Variants in KLRG1 observed in about 807,000 individuals in gnomAD.
KLRG1 encodes the protein killer cell lectin like receptor G1.
Under a neutral mutation model 21.8 loss-of-function variants are expected in KLRG1, and 16 were observed. The observed-to-expected ratio is 0.73, with a 90% confidence interval of 0.50 to 1.11. The LOEUF is 1.11. KLRG1 is among the 50% of genes most tolerant of loss of function. The probability of loss-of-function intolerance (pLI) is 0.00; values close to 1 mark genes in which losing one functional copy is unlikely to be tolerated. For synonymous variants in KLRG1, 69 were observed against 75.9 expected, an observed-to-expected ratio of 0.91 and a Z score of 0.47; for missense variants, 173 against 218.3, an observed-to-expected ratio of 0.79 and a Z score of 1.31.
At chr12:8,963,207 A>AT (rs1388851837) in intron 1 of KLRG1, among the ~76,000 whole-genome samples, 1 of 152,184 alleles carries the variant, frequency 6.6e-6, no homozygotes, top group Non-Finnish European at 1.5e-5. Context: ...GGCAAACTCA[A>AT]TTTTTTTAAC....
At chr12:9,210,556 C>T in the KLRG1 span, among the ~76,000 whole-genome samples, 1 of 152,242 alleles carries the variant, frequency 6.6e-6, no homozygotes, top group Non-Finnish European at 1.5e-5. Context: ...TGCTATGTTG[C>T]TTCTGAACTT....
the KLRG1 span, among the ~76,000 whole-genome samples, chr12:9,187,331 A>G: frequency 6.6e-6 from 1 of 152,176 alleles, no homozygotes; most frequent in African/African-American, 2.4e-5. Context: ...ACCCAAATGG[A>G]TCTGATAGAC....
At chr12:9,161,171 T>C in the KLRG1 span, 1 of 1,377,382 alleles carries the variant, frequency 7.3e-7, no homozygotes, top group Non-Finnish European at 1.0e-6. Flanking sequence ...ACAATATAAT[T>C]TAGTGATTAT....
chr12:9,215,494 CTTTCTT>C, the KLRG1 span, among the ~76,000 whole-genome samples: 1 of 151,220 alleles, frequency 6.6e-6, no homozygotes, highest in East Asian at 1.9e-4. Flanking sequence ...AGTCCTTTCT[CTTTCTT>C]TTTATACAAT....
chr12:8,976,606 A>C (rs1946660892), intron 1 of KLRG1, among the ~76,000 whole-genome samples: 1 of 152,128 alleles, frequency 6.6e-6, no homozygotes, highest in Non-Finnish European at 1.5e-5. Context: ...CTCCCTTCAA[A>C]TCTGTCAATA....
chr12:9,093,284 A>T, the KLRG1 span, among the ~76,000 whole-genome samples: 15 of 152,132 alleles, frequency 9.9e-5, no homozygotes, highest in Admixed American at 5.2e-4. Flanking sequence ...GAGCTAATGG[A>T]TGTGTTAATT....
chr12:9,050,393 G>A, the KLRG1 span, among the ~76,000 whole-genome samples: 1 of 152,202 alleles, frequency 6.6e-6, no homozygotes, highest in Non-Finnish European at 1.5e-5. Flanking sequence ...TCCTATTAAT[G>A]GCAGTGGCTG....
chr12:8,957,704 G>C (rs754442880), intron 1 of KLRG1, among the ~76,000 whole-genome samples: 9 of 152,072 alleles, frequency 5.9e-5, no homozygotes, highest in Admixed American at 1.3e-4. Context: ...TACTGTGGCA[G>C]TCAATCTGAT....
chr12:9,202,687 A>G, the KLRG1 span: 15 of 1,612,576 alleles, frequency 9.3e-6, no homozygotes, highest in African/African-American at 1.2e-4. Flanking sequence ...CTTGGGAGCT[A>G]AAAAGCAAAG....
At chr12:9,045,353 C>T in the KLRG1 span, among the ~76,000 whole-genome samples, 1 of 151,978 alleles carries the variant, frequency 6.6e-6, no homozygotes, top group Admixed American at 6.6e-5. Context: ...GAAATTTTAG[C>T]CTCTAATAAA....
chr12:9,180,353 G>A, the KLRG1 span, among the ~76,000 whole-genome samples: 1 of 152,234 alleles, frequency 6.6e-6, no homozygotes, highest in East Asian at 1.9e-4. Context: ...GCAATCCTAA[G>A]CCAAAAGAAC....
downstream of KLRG1, among the ~76,000 whole-genome samples, chr12:9,012,346 C>G (rs1947643603): frequency 6.6e-6 from 1 of 152,152 alleles, no homozygotes; most frequent in Admixed American, 6.5e-5. Flanking sequence ...GACCTAGTTT[C>G]TGGATGATAT....
At chr12:9,100,599 C>T in the KLRG1 span, among the ~76,000 whole-genome samples, 6 of 151,728 alleles carry the variant, frequency 4.0e-5, no homozygotes, top group South Asian at 2.1e-4. Flanking sequence ...TTTTAAATAA[C>T]GCAAAGAAAA....
At chr12:9,126,094 CTG>C in the KLRG1 span, among the ~76,000 whole-genome samples, 3 of 152,142 alleles carry the variant, frequency 2.0e-5, no homozygotes, top group African/African-American at 7.2e-5. Flanking sequence ...AATAATGCAA[CTG>C]GCATAACAGA....
the KLRG1 span, chr12:9,197,144 CA>C: frequency 3.3e-6 from 5 of 1,527,734 alleles, no homozygotes; most frequent in South Asian, 5.6e-5. Flanking sequence ...AGAAATAAAT[CA>C]GGAATTGAGA....
At chr12:9,038,903 CAAA>C in the KLRG1 span, among the ~76,000 whole-genome samples, 2 of 136,898 alleles carry the variant, frequency 1.5e-5, no homozygotes. Flanking sequence ...GACTCTGTCT[CAAA>C]AAAAAAAAAA....
the KLRG1 span, among the ~76,000 whole-genome samples, chr12:9,205,271 C>T: frequency 3.4e-3 from 517 of 152,114 alleles, 4 homozygotes; most frequent in African/African-American, 0.012. Flanking sequence ...CTCTAATGCC[C>T]CCCACTCCAT....
the KLRG1 span, among the ~76,000 whole-genome samples, chr12:9,050,558 C>G: frequency 1.3e-5 from 2 of 151,958 alleles, no homozygotes; most frequent in East Asian, 1.9e-4. Context: ...GCAGGAGCCC[C>G]GTCCTCCTGG....
chr12:9,164,010 GA>G, the KLRG1 span: 369 of 1,355,386 alleles, frequency 2.7e-4, no homozygotes, highest in African/African-American at 4.9e-3. Flanking sequence ...ATAGAAATAG[GA>G]AAAAAAACTA....
Sources: allele counts gnomAD v4.1 joint callset (sites outside exome capture counted in the v4.1 genomes callset), GRCh38; gene constraint gnomAD v4.1.1; transcripts MANE v1.5; gene names NCBI Gene and HGNC (gene_info 2026-07-23, HGNC 2026-07-21).